TRIM58: variants seen among roughly 807,000 people sequenced by gnomAD.
The protein encoded by TRIM58 is tripartite motif containing 58, also known as E3 ubiquitin-protein ligase TRIM58.
Under a neutral mutation model 34.1 loss-of-function variants are expected in TRIM58, and 38 were observed. The observed-to-expected ratio is 1.12, with a 90% CI of 0.86 to 1.46. The LOEUF is 1.46. Among genes scored for constraint, TRIM58 ranks in the 40% most tolerant of loss-of-function variants. The pLI, the probability that TRIM58 is intolerant of heterozygous loss-of-function variation, is 0.00. For missense variants in TRIM58, 677 were observed against 642.0 expected, an observed-to-expected ratio of 1.05 and a Z score of -0.59; for synonymous variants, 273 against 275.7, an observed-to-expected ratio of 0.99 and a Z score of 0.10.
At chr1:247,875,469 A>G (rs968386830) in intron 5 of TRIM58, among the ~76,000 whole-genome samples, 2 of 151,976 alleles carry the variant, frequency 1.3e-5, no homozygotes. Context: ...TTGAGGCTGT[A>G]GTGTACCACG....
At chr1:247,869,119 C>T (rs1487248853) in intron 5 of TRIM58, among the ~76,000 whole-genome samples, 2 of 152,280 alleles carry the variant, frequency 1.3e-5, no homozygotes, top group South Asian at 2.1e-4. Context: ...AGGCTGGTCT[C>T]GAACTCCTGA....
intron 1 of TRIM58, 128 bp downstream of exon 1, chr1:247,857,794 C>T: frequency 8.6e-7 from 1 of 1,165,270 alleles, no homozygotes. Context: ...CACCGCGCGC[C>T]GTCCCCCCCG....
At chr1:247,861,748 T>C (rs1247527182) in intron 2 of TRIM58, among the ~76,000 whole-genome samples, 1 of 152,132 alleles carries the variant, frequency 6.6e-6, no homozygotes, top group East Asian at 1.9e-4. Context: ...TTTTAAACTA[T>C]ATTTTTCTTT....
chr1:247,870,018 G>A (rs1659065902), intron 5 of TRIM58, among the ~76,000 whole-genome samples: 3 of 152,114 alleles, frequency 2.0e-5, no homozygotes, highest in African/African-American at 7.2e-5. Flanking sequence ...GGGACAAAGT[G>A]TTGAAAAGTA....
At position 247,860,724 on chromosome 1, in the gene TRIM58, T is replaced by G. The variant is rs2103321775; in HGVS notation, c.516+12T>G. 1 of 1,604,632 alleles carries G rather than the reference T, an allele frequency of 6.2e-7. No individual in the cohort carries two copies. Among genetic ancestry groups the G allele is most frequent in the Non-Finnish European group, 8.5e-7 (1 of 1,171,630 alleles). On this transcript the variant is annotated intron_variant, in intron 2 of 5. Transcript: ENST00000366481. ...CTGTCATTTGGAAGGTAAGACCATG[T>G]TGGGGCTTTAGGAGGCTTGCCTGTT...
rs921040131 is a variant in TRIM58, at chr1:247,878,764, C to G, written c.*2275C>G. On this transcript the variant is annotated 3_prime_UTR_variant, in exon 6 of 6. Coordinates refer to ENST00000366481, the MANE Select transcript of TRIM58 (RefSeq NM_015431.4). ...ATGAGTGTCCCAGTCCCAGGAGTAT[C>G]CATTTCCCACTGTGTAGCCCAGTAC... 6.6e-6 allele frequency among the ~76,000 whole-genome samples: 1 copy of G among 152,194 alleles called. No homozygotes were observed. Among genetic ancestry groups the G allele is most frequent in the Non-Finnish European group, 1.5e-5 (1 of 68,026 alleles).
chr1:247,861,212 C>T (rs932925337), intron 2 of TRIM58, among the ~76,000 whole-genome samples: 2 of 152,028 alleles, frequency 1.3e-5, no homozygotes, highest in African/African-American at 4.8e-5. Context: ...ATGTTTCATT[C>T]ATGCACATGT....
Position 247,876,493 on chromosome 1 carries a change from T to G in TRIM58, c.*4T>G, listed in dbSNP as rs1659291144. ...TGTAAGAGATGATCATCTCTAAAATTCTGTTCCCAAGATGCAGTCCTAGCG... is the reference window on the plus strand; with the variant it reads ...TGTAAGAGATGATCATCTCTAAAATGCTGTTCCCAAGATGCAGTCCTAGCG... On this transcript the variant is annotated 3_prime_UTR_variant, in exon 6 of 6. Transcript: ENST00000366481. 1.2e-5 allele frequency: 19 copies of G among 1,609,890 alleles called. No homozygotes were observed. The highest frequency in any genetic ancestry group is 1.6e-5 in the Non-Finnish European group (19 of 1,177,434).
At position 247,879,790 on chromosome 1, in the gene TRIM58, C is replaced by T. The variant is rs1659370291; in HGVS notation, c.*3301C>T. 6.6e-6 allele frequency among the ~76,000 whole-genome samples: 1 copy of T among 151,406 alleles called. No homozygotes were observed. The highest frequency in any genetic ancestry group is 2.1e-4 in the South Asian group (1 of 4,780). On this transcript the variant is annotated 3_prime_UTR_variant, in exon 6 of 6. Transcript: ENST00000366481. ...CTGATATCCCCTTGACTCATTATTC[C>T]CTTTCTTCCTTAACTCTTCTGAGAT... is the stretch of plus-strand genomic sequence containing the variant.
At position 247,878,918 on chromosome 1, in the gene TRIM58, A is replaced by G. The variant is rs534225692; in HGVS notation, c.*2429A>G. ...TTCATAGTTTTGTGTGTCTCCTGTA[A>G]TGACTCTTCTCTTTCCCTTTCCAAC... is the stretch of plus-strand genomic sequence containing the variant. On this transcript the variant is annotated 3_prime_UTR_variant, in exon 6 of 6. Transcript: ENST00000366481. Among the ~76,000 whole-genome samples the G allele has an allele frequency of 6.6e-6, 1 of 152,218 alleles. No individual in the cohort carries two copies. The highest frequency in any genetic ancestry group is 2.1e-4 in the South Asian group (1 of 4,818).
chr1:247,865,984 G>C (rs1442524725), intron 3 of TRIM58, among the ~76,000 whole-genome samples: 2 of 152,118 alleles, frequency 1.3e-5, no homozygotes, highest in Admixed American at 1.3e-4. Flanking sequence ...AAACAGGACT[G>C]ATTATGAGGC....
Position 247,876,070 on chromosome 1 carries a change from T to C in TRIM58, c.1042T>C (p.Trp348Arg). The C allele has an allele frequency of 6.2e-7, 1 of 1,614,148 alleles. No homozygotes were observed. The highest frequency in any genetic ancestry group is 8.5e-7 in the Non-Finnish European group (1 of 1,180,028). ...GAGCTTCTCATCAGGGAGGCATTAC[T>C]GGGAGGTTCTGGTGGGAGAAGGAGC... The part of the protein sequence containing the change: ...LQSFSSGRHY[W>R]EVLVGEGAEW... Residue 348 changes from tryptophan (W) to arginine (R), a missense_variant, in exon 6 of 6, where the codon TGG (tryptophan) becomes CGG (arginine). Trp to Arg is a moderately radical substitution (Grantham distance 101). Coordinates refer to ENST00000366481, the MANE Select transcript of TRIM58 (RefSeq NM_015431.4).
chr1:247,871,577 A>T (rs57752420), intron 5 of TRIM58, among the ~76,000 whole-genome samples: 3,460 of 152,304 alleles, frequency 0.023, 135 homozygotes, highest in African/African-American at 0.079. Flanking sequence ...TCTCTGCAGC[A>T]TAGTACCCAC....
In TRIM58 at chr1:247,878,675, C is replaced by T. The variant is rs207461409; in HGVS notation, c.*2186C>T. ...ATGGGGCACCACCCATTCAGTGAGA[C>T]GGGGAAGCCCTGGGTGGGAGGGAGA... On this transcript the variant is annotated 3_prime_UTR_variant, in exon 6 of 6. Transcript: ENST00000366481. 9.2e-5 allele frequency among the ~76,000 whole-genome samples: 14 copies of T among 152,112 alleles called. No homozygotes were observed. Among genetic ancestry groups the T allele is most frequent in the South Asian group, 2.1e-4 (1 of 4,824 alleles).
intron 5 of TRIM58, among the ~76,000 whole-genome samples, chr1:247,869,849 A>C (rs1341603386): frequency 2.0e-5 from 3 of 152,238 alleles, no homozygotes; most frequent in Non-Finnish European, 4.4e-5. Context: ...GCACAGTGGA[A>C]TCGCAGGAGA....
rs746574729 is a variant in TRIM58, at chr1:247,876,106, T to G, written c.1078T>G (p.Leu360Val). The change falls in exon 6 of 6, where the codon TTA (leucine) becomes GTA (valine). Residue 360 changes from leucine to valine, a missense_variant. Physicochemically the swap from Leu to Val is conservative, Grantham distance 32. Transcript: ENST00000366481. ...VLVGEGAEWG[L>V]GVCQDTLPRK... ...GGTGGGAGAAGGAGCAGAGTGGGGT[T>G]TAGGGGTCTGTCAAGACACACTGCC... is the stretch of plus-strand genomic sequence containing the variant. 4 of 1,614,076 alleles carry G rather than the reference T, an allele frequency of 2.5e-6. No individual in the cohort carries two copies. The highest frequency in any genetic ancestry group is 3.3e-4 in the Middle Eastern group (2 of 6,062).
intron 3 of TRIM58, among the ~76,000 whole-genome samples, chr1:247,866,008 A>G (rs1663912090): frequency 2.0e-5 from 3 of 152,180 alleles, no homozygotes. Flanking sequence ...GGACCATTAG[A>G]TGAATTTATA....
chr1:247,877,280 T>C lies in TRIM58; in HGVS notation c.*791T>C, dbSNP rs2103338265. Reference sequence around the variant, plus strand: ...CTTTAATGCAGATATTTACTAGTTATAAGACCTTAAGGCTGGGTGCAGTGG... The same window carrying C: ...CTTTAATGCAGATATTTACTAGTTACAAGACCTTAAGGCTGGGTGCAGTGG... On this transcript the variant is annotated 3_prime_UTR_variant, in exon 6 of 6. Coordinates refer to ENST00000366481, the MANE Select transcript of TRIM58 (RefSeq NM_015431.4). 6.6e-6 allele frequency: 1 copy of C among 152,220 alleles called. No individual in the cohort carries two copies. The highest frequency in any genetic ancestry group is 6.5e-5 in the Admixed American group (1 of 15,278). The allele number at this position is 152,220 out of a possible 1,614,324, so 9.4% of individuals were successfully genotyped here.
Position 247,864,729 on chromosome 1 carries a change from C to T in TRIM58, c.541C>T (p.Arg181Cys), listed in dbSNP as rs368652011. 87 of 1,614,032 alleles carry T rather than the reference C, an allele frequency of 5.4e-5. No homozygotes were observed. Among genetic ancestry groups the T allele is most frequent in the East Asian group, 8.9e-5 (4 of 44,876 alleles). ...GGAGAAAGTGGAAATGCAGAGGCAG[C>T]GCTTCAGATTGGAGTTTGAGAAGCA... ...WKEKVEMQRQRFRLEFEKHRG... is the reference protein window; with the variant it reads ...WKEKVEMQRQCFRLEFEKHRG... The change falls in exon 3 of 6, where the codon CGC (arginine) becomes TGC (cysteine). Residue 181 changes from arginine (R) to cysteine (C), a missense_variant. By Grantham distance (180) the Arg-to-Cys change is radical (BLOSUM62 -3). Coordinates refer to ENST00000366481, the MANE Select transcript of TRIM58 (RefSeq NM_015431.4).
Sources: allele counts gnomAD v4.1 joint callset (sites outside exome capture counted in the v4.1 genomes callset), GRCh38; gene constraint gnomAD v4.1.1; transcripts MANE v1.5; gene names NCBI Gene and HGNC (gene_info 2026-07-23, HGNC 2026-07-21).